Variants in PUF60 observed in about 807,000 individuals in gnomAD.
PUF60 encodes poly(U)-binding-splicing factor PUF60.
Under a neutral mutation model 61.8 loss-of-function variants are expected in PUF60, and 10 were observed. The ratio of observed to expected loss-of-function variants is 0.16; its 90% CI spans 0.10 to 0.27. PUF60 has a LOEUF of 0.27. Ranked by LOEUF, PUF60 falls within the 10% of genes least tolerant of loss-of-function variation. The probability of loss-of-function intolerance (pLI) is 1.00; values close to 1 mark genes in which losing one functional copy is unlikely to be tolerated. For synonymous variants in PUF60, 353 were observed against 300.9 expected, an observed-to-expected ratio of 1.17 and a Z score of -1.79; for missense variants, 371 against 754.0, an observed-to-expected ratio of 0.49 and a Z score of 5.95.
rs536306284 is a variant in PUF60 at position 143,827,172 on chromosome 8, G to A, written c.24+2108C>T. Reference sequence around the variant, plus strand: ...GACTTCTGTGGTTTACCAGCACTACGAAGAAAGCACAGGATAAGAAAGGAG... The same window carrying A: ...GACTTCTGTGGTTTACCAGCACTACAAAGAAAGCACAGGATAAGAAAGGAG... On this transcript the variant is annotated intron_variant, in intron 1 of 11. Transcript: ENST00000526683. 5.2e-5 allele frequency: 17 copies of A among 325,092 alleles called. No homozygotes were observed. The East Asian group carries it at 7.1e-4, about 14-fold the overall frequency. The allele number at this position is 325,092 out of a possible 1,614,324, so 20.1% of individuals were successfully genotyped here. A position where few individuals can be genotyped will look rare whatever the true frequency, so the allele number is the denominator to read the frequency against.
chr8:143,825,658 T>C (rs748160061), intron 1 of PUF60, among the ~76,000 whole-genome samples: 2 of 152,202 alleles, frequency 1.3e-5, no homozygotes, highest in African/African-American at 4.8e-5. Context: ...AATTTTTGTA[T>C]TTTTGGTAGA....
rs1308611376 is a variant in PUF60, at chr8:143,816,526, A to G, written c.1674T>C (p.Ser558=). ...DQERFDNSDL[S]A ...CCGGGGAGAGGGACCACTGTCACGCAGAGAGGTCACTGTTATCAAAACGCT... is the reference window on the plus strand; with the variant it reads ...CCGGGGAGAGGGACCACTGTCACGCGGAGAGGTCACTGTTATCAAAACGCT... Residue 558 remains serine (S), a synonymous_variant, in exon 12 of 12, where the codon TCT becomes TCC. Transcript: ENST00000526683. The G allele has an allele frequency of 5.0e-6, 8 of 1,607,994 alleles. No homozygotes were observed. The highest frequency in any genetic ancestry group is 1.3e-5 in the African/African-American group (1 of 74,750).
chr8:143,821,460 C>T (rs1817010736), intron 4 of PUF60, 137 bp downstream of exon 4: 7 of 836,844 alleles, frequency 8.4e-6, no homozygotes, highest in East Asian at 2.7e-5. Flanking sequence ...CCGGGGGTCC[C>T]GAGCATGAGT....
chr8:143,822,378 C>A, intron 2 of PUF60: 1 of 409,514 alleles, frequency 2.4e-6, no homozygotes, highest in Non-Finnish European at 5.0e-6. Context: ...CTGCCACAGA[C>A]ACAGGCTCAG....
At chr8:143,828,990 G>A (rs1817982711) in intron 1 of PUF60, 2 of 992,524 alleles carry the variant, frequency 2.0e-6, no homozygotes, top group South Asian at 4.7e-5. Context: ...GGACCTAGCG[G>A]ACAGGAACGC....
chr8:143,824,340 T>TGCCACCACTGCC lies in PUF60; in HGVS notation c.72_83dup (p.Val26_Ala29dup). 1 of 1,612,466 alleles carries TGCCACCACTGCC rather than the reference T, an allele frequency of 6.2e-7. No individual in the cohort carries two copies. The highest frequency in any genetic ancestry group is 8.5e-7 in the Non-Finnish European group (1 of 1,179,680). ...GTGGAGGTTTCCATTTGTCTCCCGC[T>TGCCACCACTGCC]GCCACCACTGCCGCCGCCGCCGCCG... On this transcript the variant is annotated inframe_insertion, in exon 2 of 12. Transcript: ENST00000526683.
At chr8:143,820,738 G>A (rs1365165733) in intron 4 of PUF60, 22 bp from the exon 5 acceptor site, 2 of 1,606,976 alleles carry the variant, frequency 1.2e-6, no homozygotes, top group South Asian at 1.1e-5. Flanking sequence ...TAAAGACAGA[G>A]TTCAGTCTGT....
In PUF60 at chr8:143,817,011, C is replaced by G; in HGVS notation, c.1279G>C (p.Glu427Gln). Residue 427 changes from glutamate to glutamine, a missense_variant, in exon 11 of 12, where the codon GAG becomes CAG. Physicochemically the swap from Glu to Gln is conservative, Grantham distance 29 (BLOSUM62 2). This residue lies in a region of PUF60 where 68 missense variants were observed against 69.4 expected (regional missense o/e 0.98). Coordinates refer to ENST00000526683, the MANE Select transcript of PUF60 (RefSeq NM_078480.3). This position sits in a 1 kb window ranked among gnomAD's most constrained non-coding sequence, Gnocchi z 7.4. ...CTCAGCATCTCTGGCCGCTCTGACTCGGGAAACAGCTCCTCTTCTTCCTTC... is the reference window on the plus strand; with the variant it reads ...CTCAGCATCTCTGGCCGCTCTGACTGGGGAAACAGCTCCTCTTCTTCCTTC... ...KEKEEEELFPESERPEMLSEQ... is the reference protein window; with the variant it reads ...KEKEEEELFPQSERPEMLSEQ... 6.2e-7 allele frequency: 1 copy of G among 1,608,558 alleles called. No homozygotes were observed. Among genetic ancestry groups the G allele is most frequent in the Non-Finnish European group, 8.5e-7 (1 of 1,177,742 alleles).
intron 5 of PUF60, among the ~76,000 whole-genome samples, chr8:143,819,498 G>A (rs1253448335): frequency 6.6e-6 from 1 of 152,192 alleles, no homozygotes; most frequent in Non-Finnish European, 1.5e-5. Context: ...AAAAGGCCTT[G>A]TGGCCAGAGA....
At position 143,818,672 on chromosome 8, in the gene PUF60, A is replaced by C. The variant is rs1816662779; in HGVS notation, c.349-138T>G. 4.4e-6 allele frequency: 4 copies of C among 915,510 alleles called. No individual in the cohort carries two copies. Among genetic ancestry groups the C allele is most frequent in the Non-Finnish European group, 6.4e-6 (4 of 626,984 alleles). 56.7% of individuals were successfully genotyped at this position (915,510 alleles called of 1,614,324 possible). A position where few individuals can be genotyped will look rare whatever the true frequency, so the allele number is the denominator to read the frequency against. On this transcript the variant is annotated intron_variant, in intron 5 of 11. Transcript: ENST00000526683. This position sits in a 1 kb window ranked among gnomAD's most constrained non-coding sequence, Gnocchi z 7.9. Reference sequence around the variant, plus strand: ...CACATGACAGGGAGGTGCGGGCTCCATCCCTGCAGTCATAGTGTGGGGGTC... The same window carrying C: ...CACATGACAGGGAGGTGCGGGCTCCCTCCCTGCAGTCATAGTGTGGGGGTC...
At chr8:143,822,865 A>C (rs1045713838) in intron 2 of PUF60, 1 of 318,712 alleles carries the variant, frequency 3.1e-6, no homozygotes, top group African/African-American at 2.2e-5. Flanking sequence ...CTGGCCCACC[A>C]ACCGGGCCCT....
At chr8:143,820,634 G>A (rs756597448) in intron 5 of PUF60, 32 bp downstream of exon 5, 12 of 1,604,362 alleles carry the variant, frequency 7.5e-6, no homozygotes, top group Non-Finnish European at 1.0e-5. Flanking sequence ...CTAAGGACAT[G>A]AGCCCCGGAA....
At chr8:143,824,276 G>C (rs1008891292) in intron 2 of PUF60, 37 bp downstream of exon 2, 7 of 1,540,198 alleles carry the variant, frequency 4.5e-6, no homozygotes, top group Admixed American at 2.0e-5. Flanking sequence ...GCGGGCAGGC[G>C]GGCGGGCCTG....
At position 143,818,671 on chromosome 8, in the gene PUF60, C is replaced by T. The variant is rs1272015573; in HGVS notation, c.349-137G>A. 2.1e-6 allele frequency: 2 copies of T among 942,684 alleles called. No homozygotes were observed. The highest frequency in any genetic ancestry group is 3.1e-6 in the Non-Finnish European group (2 of 649,158). 58.4% of individuals were successfully genotyped at this position (942,684 alleles called of 1,614,324 possible). A position where few individuals can be genotyped will look rare whatever the true frequency, so the allele number is the denominator to read the frequency against. ...CCACATGACAGGGAGGTGCGGGCTC[C>T]ATCCCTGCAGTCATAGTGTGGGGGT... On this transcript the variant is annotated intron_variant, in intron 5 of 11. Transcript: ENST00000526683. This position sits in a 1 kb window ranked among gnomAD's most constrained non-coding sequence, Gnocchi z 7.9.
intron 1 of PUF60, among the ~76,000 whole-genome samples, chr8:143,825,825 C>T (rs1046740566): frequency 2.0e-5 from 3 of 152,246 alleles, no homozygotes; most frequent in African/African-American, 4.8e-5. Context: ...TCCAGATACC[C>T]GTGAACAGGG....
rs1816477607 is a variant in PUF60 at position 143,817,447 on chromosome 8, G to A, written c.1028C>T (p.Ala343Val). The A allele has an allele frequency of 2.5e-6, 4 of 1,608,022 alleles. No individual in the cohort carries two copies. The highest frequency in any genetic ancestry group is 2.5e-6 in the Non-Finnish European group (3 of 1,178,088). The stretch of plus-strand genomic sequence containing the variant: ...AGGTGTGCCCAGGGTACCCAGCACC[G>A]CTGCTCCGGCCACTGCTTCCTGCAA... ...ITAQEAVAGA[A>V]VLGTLGTPGL... Residue 343 changes from alanine (A) to valine (V), a missense_variant, in exon 10 of 12, where the codon GCG becomes GTG. Ala to Val is a moderately conservative substitution (Grantham distance 64). Transcript: ENST00000526683. This position sits in a 1 kb window ranked among gnomAD's most constrained non-coding sequence, Gnocchi z 7.4.
At chr8:143,822,629 C>A in intron 2 of PUF60, 1 of 454,870 alleles carries the variant, frequency 2.2e-6, no homozygotes, top group Non-Finnish European at 4.4e-6. Context: ...CCAGGTGGGC[C>A]TGGGGACCAA....
chr8:143,821,585 G>C lies in PUF60; in HGVS notation c.297+12C>G. ...GGTGGGGAGGGCGGTAGAGGCTCCG[G>C]CCGGGGCTCACCTGCAGGTTGGTGA... On this transcript the variant is annotated intron_variant, in intron 4 of 11. Coordinates refer to ENST00000526683, the MANE Select transcript of PUF60 (RefSeq NM_078480.3). 6.5e-7 allele frequency: 1 copy of C among 1,539,232 alleles called. No homozygotes were observed. Among genetic ancestry groups the C allele is most frequent in the Non-Finnish European group, 8.7e-7 (1 of 1,146,116 alleles).
rs764674000 is a variant in PUF60, at chr8:143,816,524, G to A, written c.1676C>T (p.Ala559Val). 11 of 1,606,812 alleles carry A rather than the reference G, an allele frequency of 6.8e-6. No individual in the cohort carries two copies. Among genetic ancestry groups the A allele is most frequent in the South Asian group, 4.4e-5 (4 of 90,446 alleles). Residue 559 changes from alanine to valine, a missense_variant, in exon 12 of 12, where the codon GCG becomes GTG. Around this residue, in one of 13 missense-constraint regions of PUF60, gnomAD observed 17 missense variants for 37.3 expected, o/e 0.46. Transcript: ENST00000526683. ...GTCCGGGGAGAGGGACCACTGTCAC[G>A]CAGAGAGGTCACTGTTATCAAAACG... ...QERFDNSDLS[A>V]
Sources: gnomAD v4.1 joint callset for allele counts (sites outside exome capture counted in the v4.1 genomes callset) on GRCh38, gnomAD v4.1.1 for gene constraint, gnomAD v4.1.1 regional missense constraint, Gnocchi (gnomAD v3.1) non-coding constraint, MANE v1.5 for transcripts, NCBI Gene and HGNC (gene_info 2026-07-23, HGNC 2026-07-21) for gene names.